Variants in SAMSN1 observed in about 807,000 individuals in gnomAD.
SAMSN1 encodes SAM domain, SH3 domain and nuclear localization signals 1, also known as SAM domain-containing protein SAMSN-1.
A neutral mutation model predicts 42.0 loss-of-function variants in SAMSN1; 31 were observed. The ratio of observed to expected loss-of-function variants is 0.74; its 90% CI spans 0.55 to 1.00. The LOEUF is 1.00. Among genes scored for constraint, SAMSN1 ranks in the 50% least tolerant of loss-of-function variants. The pLI is 0.00. For synonymous variants in SAMSN1, 178 were observed against 151.9 expected (o/e 1.17, Z -1.26); for missense variants, 464 against 439.4 (o/e 1.06, Z -0.50).
intron 1 of SAMSN1, among the ~76,000 whole-genome samples, chr21:14,656,438 G>A (rs1983918338): frequency 6.6e-6 from 1 of 151,752 alleles, no homozygotes; most frequent in Non-Finnish European, 1.5e-5. Context: ...AATTGTGCAG[G>A]AGTAATTGAT....
chr21:14,501,097 C>G (rs549470487), intron 5 of SAMSN1, among the ~76,000 whole-genome samples: 1 of 152,146 alleles, frequency 6.6e-6, no homozygotes, highest in African/African-American at 2.4e-5. Context: ...GAGCTGTAAT[C>G]ATGTCACTGC....
intron 2 of SAMSN1, among the ~76,000 whole-genome samples, chr21:14,637,762 T>C (rs1983502056): frequency 6.6e-6 from 1 of 152,202 alleles, no homozygotes; most frequent in Non-Finnish European, 1.5e-5. Flanking sequence ...GACCCAAGTA[T>C]TGCAGAGGGG....
chr21:14,510,396 G>A lies in SAMSN1; in HGVS notation c.475C>T (p.Pro159Ser). 1 of 1,614,098 alleles carries A rather than the reference G, an allele frequency of 6.2e-7. No homozygotes were observed. The highest frequency in any genetic ancestry group is 1.3e-5 in the African/African-American group (1 of 75,032). ...RDSFRLDDDG[P>S]YSGPFCGRAR... ...CGGCCACAGAATGGTCCTGAATAGG[G>A]GCCATCGTCATCCAGTCGAAAGCTG... is the stretch of plus-strand genomic sequence containing the variant. The change falls in exon 5 of 8, where the codon CCC (proline) becomes TCC (serine). Residue 159 changes from proline to serine, a missense_variant. Transcript: ENST00000400566.
rs147475095 is a variant in SAMSN1 at position 14,602,498 on chromosome 21, A to G, written c.323-399T>C. 1.7e-3 allele frequency among the ~76,000 whole-genome samples: 254 copies of G among 152,250 alleles called. 1 individual carries two copies. The highest frequency in any genetic ancestry group is 3.4e-3 in the Middle Eastern group (1 of 294). ...TTCCACCCCTGGCATTTTGAGCTTCATTAGCTTAGGTCTTCTCAACATGAA... is the reference window on the plus strand; with the variant it reads ...TTCCACCCCTGGCATTTTGAGCTTCGTTAGCTTAGGTCTTCTCAACATGAA... On this transcript the variant is annotated intron_variant, in intron 5 of 15. Transcript: ENST00000647101.
At chr21:14,520,745 C>T (rs563376021) in intron 2 of SAMSN1, among the ~76,000 whole-genome samples, 3 of 152,008 alleles carry the variant, frequency 2.0e-5, no homozygotes, top group Admixed American at 6.6e-5. Flanking sequence ...GGGAAGGGGA[C>T]GGAGCTATGG....
chr21:14,587,638 C>T (rs1205325779), upstream of SAMSN1, among the ~76,000 whole-genome samples: 1 of 152,118 alleles, frequency 6.6e-6, no homozygotes, highest in Non-Finnish European at 1.5e-5. Flanking sequence ...CACTTATATG[C>T]TAATGACTCC....
intron 1 of SAMSN1, among the ~76,000 whole-genome samples, chr21:14,531,190 A>G (rs1174343811): frequency 2.6e-5 from 4 of 152,140 alleles, no homozygotes; most frequent in African/African-American, 9.6e-5. Context: ...AACTTCGAAT[A>G]TTGATCTCAA....
chr21:14,647,895 A>G (rs1454776973), intron 1 of SAMSN1, among the ~76,000 whole-genome samples: 2 of 151,596 alleles, frequency 1.3e-5, no homozygotes, highest in Non-Finnish European at 2.9e-5. Flanking sequence ...GGCTGAGACA[A>G]TGGAGTTTTC....
chr21:14,630,358 G>C (rs948072490), intron 2 of SAMSN1, among the ~76,000 whole-genome samples: 6 of 151,604 alleles, frequency 4.0e-5, no homozygotes, highest in Admixed American at 3.3e-4. Context: ...GAAAATTAAA[G>C]TAGGAATGGG....
At chr21:14,572,787 C>A (rs1383843037) in intron 2 of SAMSN1, among the ~76,000 whole-genome samples, 1 of 152,068 alleles carries the variant, frequency 6.6e-6, no homozygotes, top group Admixed American at 6.6e-5. Flanking sequence ...GCTGATGTCT[C>A]CATTTTTATA....
intron 3 of SAMSN1, among the ~76,000 whole-genome samples, chr21:14,516,365 C>T (rs1429404754): frequency 2.0e-5 from 3 of 152,084 alleles, no homozygotes; most frequent in Non-Finnish European, 2.9e-5. Flanking sequence ...CATTGTTCTT[C>T]GCATCACATT....
chr21:14,555,327 AAGTGTATGT>A (rs1423899503), intron 2 of SAMSN1, among the ~76,000 whole-genome samples: 1 of 152,168 alleles, frequency 6.6e-6, no homozygotes, highest in East Asian at 1.9e-4. Flanking sequence ...TCTTCTTGGT[AAGTGTATGT>A]AGCTATTTAA....
At chr21:14,631,647 A>G (rs8128543) in intron 2 of SAMSN1, among the ~76,000 whole-genome samples, 4,655 of 152,214 alleles carry the variant, frequency 0.031, 210 homozygotes, top group African/African-American at 0.1. Flanking sequence ...TTACAGGCGT[A>G]AGCCACCATG....
chr21:14,617,412 G>C (rs1982868273), intron 2 of SAMSN1, among the ~76,000 whole-genome samples: 1 of 152,174 alleles, frequency 6.6e-6, no homozygotes, highest in Non-Finnish European at 1.5e-5. Flanking sequence ...ACAATCAGTA[G>C]CCACTCACAT....
chr21:14,621,423 G>A (rs908222352), intron 2 of SAMSN1, among the ~76,000 whole-genome samples: 6 of 152,182 alleles, frequency 3.9e-5, no homozygotes, highest in Admixed American at 3.9e-4. Context: ...GATGGCACCT[G>A]GAAAATCGGG....
At chr21:14,652,903 A>T (rs1388179235) in intron 1 of SAMSN1, among the ~76,000 whole-genome samples, 1 of 152,102 alleles carries the variant, frequency 6.6e-6, no homozygotes, top group Admixed American at 6.6e-5. Context: ...CCAAAAGAGG[A>T]CATACAAATG....
At chr21:14,559,189 T>A (rs999879162) in intron 2 of SAMSN1, among the ~76,000 whole-genome samples, 1 of 152,140 alleles carries the variant, frequency 6.6e-6, no homozygotes, top group African/African-American at 2.4e-5. Context: ...AATAAATATA[T>A]AGGGGAAAAA....
chr21:14,557,091 A>C (rs1980784372), intron 2 of SAMSN1, among the ~76,000 whole-genome samples: 1 of 152,184 alleles, frequency 6.6e-6, no homozygotes, highest in African/African-American at 2.4e-5. Flanking sequence ...TGAAACACTC[A>C]GACTGTTTTC....
chr21:14,582,273 GC>G lies in SAMSN1; in HGVS notation c.123del (p.Lys41AsnfsTer16). 6.4e-7 allele frequency: 1 copy of G among 1,550,800 alleles called. No homozygotes were observed. The highest frequency in any genetic ancestry group is 2.0e-5 in the Admixed American group (1 of 51,002). On this transcript the variant is annotated frameshift_variant, in exon 2 of 9. Coordinates refer to the SAMSN1 transcript ENST00000285670. LOFTEE classifies it high-confidence loss of function. Reference sequence around the variant, plus strand: ...GTCCAGAGAGGGTTTTCAGGAAAAGGCTTCCAGTGATGCCACATGTAAGCTT... The same window carrying G: ...GTCCAGAGAGGGTTTTCAGGAAAAGGTTCCAGTGATGCCACATGTAAGCTT...
Sources: allele counts gnomAD v4.1 joint callset (sites outside exome capture counted in the v4.1 genomes callset), GRCh38; gene constraint gnomAD v4.1.1; transcripts MANE v1.5; gene names NCBI Gene and HGNC (gene_info 2026-07-23, HGNC 2026-07-21).